EHBP1: variants seen among roughly 807,000 people sequenced by gnomAD.
The protein encoded by EHBP1 is EH domain-binding protein 1.
In EHBP1, 55 loss-of-function variants were observed where a neutral mutation model predicts 144.0. The observed-to-expected ratio is 0.38, with a 90% CI of 0.31 to 0.48. EHBP1 has a LOEUF of 0.48. Ranked by LOEUF, EHBP1 falls within the 20% of genes least tolerant of loss-of-function variation. The pLI, the probability that EHBP1 is intolerant of heterozygous loss-of-function variation, is 0.98. For synonymous variants in EHBP1, 469 were observed against 472.7 expected, an observed-to-expected ratio of 0.99 and a Z score of 0.10; for missense variants, 1,200 against 1,364.2, an observed-to-expected ratio of 0.88 and a Z score of 1.90.
At chr2:62,998,649 A>AT (rs1174441337) in intron 19 of EHBP1, among the ~76,000 whole-genome samples, 1 of 152,172 alleles carries the variant, frequency 6.6e-6, no homozygotes, top group Non-Finnish European at 1.5e-5. Context: ...CCTACCCAAC[A>AT]TATCACTAGT....
chr2:62,934,139 A>G (rs2056205238), intron 10 of EHBP1, among the ~76,000 whole-genome samples: 2 of 152,212 alleles, frequency 1.3e-5, no homozygotes, highest in Admixed American at 1.3e-4. Flanking sequence ...CAATTTTAGC[A>G]TAATAGATGA....
At chr2:62,919,067 C>T (rs1459596324) in intron 10 of EHBP1, among the ~76,000 whole-genome samples, 1 of 152,170 alleles carries the variant, frequency 6.6e-6, no homozygotes, top group African/African-American at 2.4e-5. Flanking sequence ...TGTAGGTGTT[C>T]CTGGAATAGC....
intron 14 of EHBP1, among the ~76,000 whole-genome samples, chr2:62,961,540 C>T (rs2058001444): frequency 6.6e-6 from 1 of 152,120 alleles, no homozygotes; most frequent in Non-Finnish European, 1.5e-5. Flanking sequence ...TTTTTTTCCA[C>T]ATGTGCTTTA....
At chr2:62,904,946 A>G (rs2152957351) in intron 10 of EHBP1, among the ~76,000 whole-genome samples, 1 of 152,296 alleles carries the variant, frequency 6.6e-6, no homozygotes, top group East Asian at 1.9e-4. Flanking sequence ...AAGATTACAA[A>G]AAGTAAATAA....
chr2:62,962,829 A>G (rs534530812), intron 14 of EHBP1, among the ~76,000 whole-genome samples: 1 of 152,364 alleles, frequency 6.6e-6, no homozygotes, highest in Non-Finnish European at 1.5e-5. Flanking sequence ...GTTGTTAGGT[A>G]TCTGGATGCG....
chr2:62,758,179 G>C (rs1476041575), intron 3 of EHBP1, among the ~76,000 whole-genome samples: 2 of 152,128 alleles, frequency 1.3e-5, no homozygotes, highest in Admixed American at 1.3e-4. Context: ...TGTGATCTCG[G>C]TTCTCTGCAA....
chr2:62,701,690 T>A (rs2034286221), upstream of EHBP1, among the ~76,000 whole-genome samples: 1 of 152,178 alleles, frequency 6.6e-6, no homozygotes, highest in African/African-American at 2.4e-5. Flanking sequence ...AAACAACTAC[T>A]ACAGAAACCA....
At chr2:62,751,215 G>T (rs1252434982) in intron 3 of EHBP1, among the ~76,000 whole-genome samples, 1 of 152,106 alleles carries the variant, frequency 6.6e-6, no homozygotes, top group Non-Finnish European at 1.5e-5. Flanking sequence ...TTTTGTCGAA[G>T]GCCTTTTCTG....
At chr2:62,815,110 C>A (rs922967725) in intron 5 of EHBP1, among the ~76,000 whole-genome samples, 1 of 152,212 alleles carries the variant, frequency 6.6e-6, no homozygotes, top group Non-Finnish European at 1.5e-5. Flanking sequence ...AAGGTTTCTA[C>A]TGAACCTATG....
intron 19 of EHBP1, among the ~76,000 whole-genome samples, chr2:63,027,091 T>G (rs1189953718): frequency 6.6e-6 from 1 of 152,216 alleles, no homozygotes; most frequent in Non-Finnish European, 1.5e-5. Flanking sequence ...CTAAGAGTGG[T>G]GGCTCACAAG....
At chr2:62,707,365 T>C (rs2034692190) in intron 2 of EHBP1, 70 bp downstream of exon 2, 2 of 1,137,632 alleles carry the variant, frequency 1.8e-6, no homozygotes, top group Admixed American at 1.7e-5. Flanking sequence ...ACTCTGGGTC[T>C]TCTGATAGTA....
intron 1 of EHBP1, among the ~76,000 whole-genome samples, chr2:62,689,833 C>A (rs547106361): frequency 1.3e-5 from 2 of 151,950 alleles, no homozygotes; most frequent in Admixed American, 6.6e-5. Flanking sequence ...CGTTTTAGTC[C>A]TTAATGGATG....
chr2:62,974,800 C>A (rs2058643828), intron 14 of EHBP1, among the ~76,000 whole-genome samples: 1 of 152,092 alleles, frequency 6.6e-6, no homozygotes, highest in Admixed American at 6.5e-5. Flanking sequence ...TGATCTAGTT[C>A]TTATCTCTCT....
At chr2:62,960,438 G>A (rs1039254989) in intron 14 of EHBP1, among the ~76,000 whole-genome samples, 1 of 152,030 alleles carries the variant, frequency 6.6e-6, no homozygotes, top group Non-Finnish European at 1.5e-5. Flanking sequence ...TGTCCTCATG[G>A]CTCCTTGCAG....
At chr2:62,845,544 A>G (rs972543766) in intron 7 of EHBP1, among the ~76,000 whole-genome samples, 4 of 152,156 alleles carry the variant, frequency 2.6e-5, no homozygotes, top group Non-Finnish European at 4.4e-5. Context: ...ATAAGTAGGT[A>G]TCCCACCTTT....
At chr2:62,900,195 T>C (rs962020835) in intron 10 of EHBP1, among the ~76,000 whole-genome samples, 3 of 152,084 alleles carry the variant, frequency 2.0e-5, no homozygotes, top group Admixed American at 6.6e-5. Context: ...ACTTCCAATA[T>C]AAGGAAAATA....
chr2:62,816,882 C>T (rs2045490792), intron 5 of EHBP1, among the ~76,000 whole-genome samples: 1 of 152,156 alleles, frequency 6.6e-6, no homozygotes, highest in Non-Finnish European at 1.5e-5. Context: ...CATTTCTCCA[C>T]ACACCCAGGG....
chr2:62,948,784 G>C lies in EHBP1; in HGVS notation c.1938G>C (p.Gln646His), dbSNP rs752144200. Reference protein sequence around the residue: ...ICSNTDSTQAQVLLGKKRLLK... With the variant: ...ICSNTDSTQAHVLLGKKRLLK... The stretch of plus-strand genomic sequence containing the variant: ...CCAATACAGATTCAACCCAAGCACA[G>C]GTTTTGTTAGGCAAAAAGAGACTAT... The change falls in exon 13 of 23, where the codon CAG becomes CAC. Residue 646 changes from glutamine (Q) to histidine (H), a missense_variant. By Grantham distance (24) the Gln-to-His change is conservative. Coordinates refer to ENST00000431489, the MANE Select transcript of EHBP1 (RefSeq NM_001142616.3). The C allele has an allele frequency of 1.2e-6, 2 of 1,614,078 alleles. No individual in the cohort carries two copies. The highest frequency in any genetic ancestry group is 1.7e-6 in the Non-Finnish European group (2 of 1,179,992).
rs76654804 is a variant in EHBP1, at chr2:62,868,762, G to A, written c.998+3791G>A. Among the ~76,000 whole-genome samples, 881 of 152,080 alleles carry A rather than the reference G, an allele frequency of 5.8e-3. 7 individuals carry two copies. Among genetic ancestry groups the A allele is most frequent in the South Asian group, 1.0e-2 (48 of 4,814 alleles). On this transcript the variant is annotated intron_variant, in intron 9 of 22. Transcript: ENST00000431489. ...CAGAAGTTGGAGACCAACCTGAGCA[G>A]CATAACAAGAGTCTATCTCTTAAAA...
Sources: allele counts gnomAD v4.1 joint callset (sites outside exome capture counted in the v4.1 genomes callset), GRCh38; gene constraint gnomAD v4.1.1; transcripts MANE v1.5; gene names NCBI Gene and HGNC (gene_info 2026-07-23, HGNC 2026-07-21).